PCDHGA2: variants seen among roughly 807,000 people sequenced by gnomAD.
PCDHGA2 encodes the protein protocadherin gamma-A2.
PCDHGA2 carries 40 observed loss-of-function variants against 59.2 expected under a neutral mutation model. That is an observed-to-expected ratio of 0.68 (90% CI 0.52 to 0.88). The LOEUF (loss-of-function observed/expected upper bound fraction) is 0.88, where lower values mean the gene tolerates loss of function less well. Among genes scored for constraint, PCDHGA2 ranks in the 40% least tolerant of loss-of-function variants. The pLI, the probability that PCDHGA2 is intolerant of heterozygous loss-of-function variation, is 0.00. For missense variants in PCDHGA2, 1,226 were observed against 1,204.0 expected (o/e 1.02, Z -0.27); for synonymous variants, 560 against 526.0 (o/e 1.06, Z -0.89).
At chr5:141,395,447 G>T in intron 1 of PCDHGA2, 1 of 645,040 alleles carries the variant, frequency 1.6e-6, no homozygotes, top group South Asian at 2.4e-5. Context: ...GGAAAAGATT[G>T]TTCAACCATT....
At position 141,365,079 on chromosome 5, in the gene PCDHGA2, G is replaced by A. The variant is rs748153099; in HGVS notation, c.2424+23684G>A. 1.9e-5 allele frequency: 31 copies of A among 1,613,864 alleles called. No homozygotes were observed. The South Asian group carries it at 3.4e-4, about 18-fold the overall frequency. On this transcript the variant is annotated intron_variant, in intron 1 of 3. Coordinates refer to ENST00000394576, the MANE Select transcript of PCDHGA2 (RefSeq NM_018915.4). ...TTCACCCCATCCGAGTACAGCGTGAGTGTTCCAGAGAACATACCTGTGGGC... is the reference window on the plus strand; with the variant it reads ...TTCACCCCATCCGAGTACAGCGTGAATGTTCCAGAGAACATACCTGTGGGC...
chr5:141,345,060 A>G (rs1182012859), intron 1 of PCDHGA2: 5 of 1,613,980 alleles, frequency 3.1e-6, no homozygotes, highest in Non-Finnish European at 4.2e-6. Context: ...TGTGAATGAC[A>G]ATGCTCCAGA....
chr5:141,360,455 A>G (rs369787624), intron 1 of PCDHGA2: 1 of 1,613,980 alleles, frequency 6.2e-7, no homozygotes, highest in Non-Finnish European at 8.5e-7. Context: ...CTGGATTTCG[A>G]TACTGTCGCT....
At chr5:141,449,251 A>T (rs918418872) in intron 1 of PCDHGA2, among the ~76,000 whole-genome samples, 10 of 152,256 alleles carry the variant, frequency 6.6e-5, no homozygotes, top group Middle Eastern at 3.4e-3. Flanking sequence ...AGTTGCAAGA[A>T]TTGTACAAAG....
chr5:141,403,671 C>T (rs1322750068), intron 1 of PCDHGA2: 3 of 1,613,786 alleles, frequency 1.9e-6, no homozygotes, highest in African/African-American at 1.3e-5. Flanking sequence ...GATAATGCCC[C>T]GGTTTTTGCT....
Position 141,398,041 on chromosome 5 carries a change from G to T in PCDHGA2, c.2424+56646G>T, listed in dbSNP as rs114009258. On this transcript the variant is annotated intron_variant, in intron 1 of 3. Coordinates refer to ENST00000394576, the MANE Select transcript of PCDHGA2 (RefSeq NM_018915.4). ...TAAACTGGAACTGGAACTAAAGCCC[G>T]TTCGGAGATCCAAAAATCTACAATA... 1,416 of 1,492,890 alleles carry T rather than the reference G, an allele frequency of 9.5e-4. 9 individuals are homozygous for T. The African/African-American group carries it at 0.016, about 16-fold the overall frequency. 92.5% of individuals were successfully genotyped at this position (1,492,890 alleles called of 1,614,324 possible).
chr5:141,489,342 A>G lies in PCDHGA2; in HGVS notation c.2425-5465A>G. 3.7e-6 allele frequency: 6 copies of G among 1,609,084 alleles called. No homozygotes were observed. The Middle Eastern group carries it at 6.6e-4, about 178-fold the overall frequency. On this transcript the variant is annotated intron_variant, in intron 1 of 3. Transcript: ENST00000394576. The surrounding 1 kb of genome is among the most constrained non-coding windows in gnomAD (Gnocchi z 4.5). ...GGGTGTCTGGGCAGCTTCGTTACTCAGTGGTGGAGGAGTCTGAGCCGGGGA... is the reference window on the plus strand; with the variant it reads ...GGGTGTCTGGGCAGCTTCGTTACTCGGTGGTGGAGGAGTCTGAGCCGGGGA...
chr5:141,475,978 G>C, intron 1 of PCDHGA2: 1 of 1,010,712 alleles, frequency 9.9e-7, no homozygotes, highest in Non-Finnish European at 1.4e-6. Context: ...AGACTGAACA[G>C]CCGGCGAGCA....
chr5:141,393,300 G>T (rs1357517904), intron 1 of PCDHGA2: 2 of 1,613,882 alleles, frequency 1.2e-6, no homozygotes, highest in Non-Finnish European at 1.7e-6. Context: ...CCCGGATGTG[G>T]GCGTGAACTC....
rs1229623400 is a variant in PCDHGA2, at chr5:141,505,984, T to A, written c.2572+503T>A. 4.6e-5 allele frequency among the ~76,000 whole-genome samples: 7 copies of A among 152,198 alleles called. No homozygotes were observed. In the East Asian group the frequency reaches 1.4e-3, roughly 30 times the overall value. On this transcript the variant is annotated intron_variant, in intron 3 of 3. Coordinates refer to ENST00000394576, the MANE Select transcript of PCDHGA2 (RefSeq NM_018915.4). ...AGAAATCCCCAGCCGAGAGAACACC[T>A]CCTCTTTATGCGAGGCTCCTCTTTT...
chr5:141,434,877 C>A (rs1266355299), intron 1 of PCDHGA2, among the ~76,000 whole-genome samples: 1 of 151,612 alleles, frequency 6.6e-6, no homozygotes, highest in Non-Finnish European at 1.5e-5. Flanking sequence ...TGACAGATAC[C>A]AACAACAATC....
At chr5:141,423,228 C>G (rs1321708353) in intron 1 of PCDHGA2, 5 of 1,613,866 alleles carry the variant, frequency 3.1e-6, no homozygotes, top group Non-Finnish European at 2.5e-6. Context: ...CTGTGGCCGA[C>G]AGCATCCCCG....
Position 141,376,812 on chromosome 5 carries a change from T to G in PCDHGA2, c.2424+35417T>G, listed in dbSNP as rs62378423. ...CGCCATTCTCCTGCCTCAGCCTCCC[T>G]AGTAGCTGGGACTACAGGCGCCCGC... On this transcript the variant is annotated intron_variant, in intron 1 of 3. Coordinates refer to ENST00000394576, the MANE Select transcript of PCDHGA2 (RefSeq NM_018915.4). 3.9e-4 allele frequency: 120 copies of G among 303,828 alleles called. 2 individuals carry two copies. In the South Asian group the frequency reaches 4.4e-3, roughly 11 times the overall value. The allele number at this position is 303,828 out of a possible 1,614,324, so 18.8% of individuals were successfully genotyped here.
At chr5:141,397,961 G>A in intron 1 of PCDHGA2, 1 of 1,038,400 alleles carries the variant, frequency 9.6e-7, no homozygotes, top group Non-Finnish European at 1.4e-6. Context: ...CCCCAGCTCA[G>A]ACTCCCCAGC....
chr5:141,490,951 T>G lies in PCDHGA2; in HGVS notation c.2425-3856T>G, dbSNP rs778168052. On this transcript the variant is annotated intron_variant, in intron 1 of 3. Transcript: ENST00000394576. The surrounding 1 kb of genome is among the most constrained non-coding windows in gnomAD (Gnocchi z 5.4). ...AGCTGTGCTGCACCCACGGCCAGACTGGGAACACTCAGCCCCCCAGCGTCT... is the reference window on the plus strand; with the variant it reads ...AGCTGTGCTGCACCCACGGCCAGACGGGGAACACTCAGCCCCCCAGCGTCT... The G allele has an allele frequency of 6.2e-7, 1 of 1,613,638 alleles. No individual in the cohort carries two copies. The highest frequency in any genetic ancestry group is 1.3e-5 in the African/African-American group (1 of 74,900).
intron 2 of PCDHGA2, 117 bp downstream of exon 2, chr5:141,494,982 G>C: frequency 6.4e-7 from 1 of 1,563,940 alleles, no homozygotes; most frequent in Non-Finnish European, 8.7e-7. Context: ...CTCAGTTTGA[G>C]ATCCCAGGGA....
At chr5:141,398,850 A>G in intron 1 of PCDHGA2, 20 of 1,613,982 alleles carry the variant, frequency 1.2e-5, no homozygotes, top group Non-Finnish European at 1.6e-5. Flanking sequence ...ATCCCCCGGT[A>G]TTCAACCGAG....
chr5:141,361,399 A>G, intron 1 of PCDHGA2: 1 of 1,613,982 alleles, frequency 6.2e-7, no homozygotes, highest in Non-Finnish European at 8.5e-7. Context: ...CAATCTCACC[A>G]TCACAGCCAC....
intron 1 of PCDHGA2, among the ~76,000 whole-genome samples, chr5:141,480,895 A>G (rs1275670492): frequency 6.6e-6 from 1 of 152,048 alleles, no homozygotes; most frequent in African/African-American, 2.4e-5. Flanking sequence ...AAATGCAAAC[A>G]TTAGCTGGGC....
Sources: allele counts gnomAD v4.1 joint callset (sites outside exome capture counted in the v4.1 genomes callset), GRCh38; gene constraint gnomAD v4.1.1; non-coding constraint Gnocchi (gnomAD v3.1); transcripts MANE v1.5; gene names NCBI Gene and HGNC (gene_info 2026-07-23, HGNC 2026-07-21).